Variants in MAPRE2 observed in about 807,000 individuals in gnomAD.
The protein encoded by MAPRE2 is microtubule associated protein RP/EB family member 2.
Under a neutral mutation model 43.2 loss-of-function variants are expected in MAPRE2, and 13 were observed. The observed-to-expected ratio is 0.30, with a 90% CI of 0.20 to 0.48. The LOEUF is 0.48. Ranked by LOEUF, MAPRE2 falls within the 20% of genes least tolerant of loss-of-function variation. MAPRE2 has a pLI of 0.99. For missense variants in MAPRE2, 161 were observed against 400.2 expected, an observed-to-expected ratio of 0.40 and a Z score of 5.10; for synonymous variants, 135 against 148.8, an observed-to-expected ratio of 0.91 and a Z score of 0.68.
chr18:34,978,434 C>G (rs2097014364), intron 1 of MAPRE2: 1 of 1,262,072 alleles, frequency 7.9e-7, no homozygotes, highest in African/African-American at 1.5e-5. Flanking sequence ...GTGTGCAGAC[C>G]GGTTGCGATT....
At chr18:35,088,897 G>A (rs1908005186) in intron 2 of MAPRE2, among the ~76,000 whole-genome samples, 1 of 152,166 alleles carries the variant, frequency 6.6e-6, no homozygotes, top group African/African-American at 2.4e-5. Flanking sequence ...GAAGACAATT[G>A]AATTTGTATT....
At chr18:35,031,776 A>C (rs1249500876) in intron 2 of MAPRE2, among the ~76,000 whole-genome samples, 1 of 152,232 alleles carries the variant, frequency 6.6e-6, no homozygotes, top group Non-Finnish European at 1.5e-5. Context: ...ATAATCTGCA[A>C]AGACAAGTAA....
upstream of MAPRE2, chr18:35,041,395 G>C (rs1905351323): frequency 2.7e-6 from 4 of 1,502,908 alleles, no homozygotes; most frequent in Non-Finnish European, 3.5e-6. Flanking sequence ...AGGAGGGCGG[G>C]GCGCGAGCGA....
intron 2 of MAPRE2, among the ~76,000 whole-genome samples, chr18:35,034,954 T>C (rs1343230919): frequency 2.0e-5 from 3 of 151,840 alleles, no homozygotes; most frequent in African/African-American, 7.3e-5. Flanking sequence ...GTCAGTGTGG[T>C]GATTCCTCAG....
At chr18:35,002,153 C>T (rs781192690) in intron 1 of MAPRE2, among the ~76,000 whole-genome samples, 1 of 152,140 alleles carries the variant, frequency 6.6e-6, no homozygotes, top group Non-Finnish European at 1.5e-5. Context: ...CTATAGTTTT[C>T]CCATTTTAAA....
intron 1 of MAPRE2, among the ~76,000 whole-genome samples, chr18:34,979,834 G>A (rs1274888147): frequency 6.6e-6 from 1 of 151,912 alleles, no homozygotes; most frequent in African/African-American, 2.4e-5. Context: ...ATTACTCCAG[G>A]ATAACCTGTT....
chr18:35,119,793 C>T (rs906817243), intron 4 of MAPRE2, among the ~76,000 whole-genome samples: 2 of 152,172 alleles, frequency 1.3e-5, no homozygotes, highest in African/African-American at 4.8e-5. Flanking sequence ...CTGGGTTAAT[C>T]AATTTTTATA....
At chr18:35,105,686 G>A (rs1352632884) in intron 4 of MAPRE2, among the ~76,000 whole-genome samples, 1 of 151,942 alleles carries the variant, frequency 6.6e-6, no homozygotes, top group African/African-American at 2.4e-5. Context: ...TAATAAAGAT[G>A]GGGATGTGGT....
At chr18:35,138,382 T>C (rs1287550447) in intron 6 of MAPRE2, among the ~76,000 whole-genome samples, 1 of 151,976 alleles carries the variant, frequency 6.6e-6, no homozygotes, top group Non-Finnish European at 1.5e-5. Flanking sequence ...GAACACAGGG[T>C]GGTCATGGGG....
chr18:35,084,282 AT>A (rs1265185418), intron 2 of MAPRE2, among the ~76,000 whole-genome samples: 1 of 152,186 alleles, frequency 6.6e-6, no homozygotes, highest in Non-Finnish European at 1.5e-5. Context: ...TCAAAAAAAA[AT>A]AATAAATAAA....
chr18:34,999,397 TAGAA>T (rs1157125923), intron 1 of MAPRE2, among the ~76,000 whole-genome samples: 12 of 152,194 alleles, frequency 7.9e-5, no homozygotes, highest in African/African-American at 1.9e-4. Flanking sequence ...TATTCTAAAA[TAGAA>T]AGGGCAATCT....
intron 4 of MAPRE2, among the ~76,000 whole-genome samples, chr18:35,122,653 G>A (rs1419238481): frequency 9.2e-5 from 14 of 152,192 alleles, no homozygotes; most frequent in Non-Finnish European, 5.9e-5. Context: ...GGGCAGAAGC[G>A]GTGCTTCCAT....
At chr18:35,065,350 T>C (rs188965711) in intron 1 of MAPRE2, among the ~76,000 whole-genome samples, 79 of 151,912 alleles carry the variant, frequency 5.2e-4, no homozygotes, top group African/African-American at 1.8e-3. Flanking sequence ...GCTATTCTAA[T>C]ATTCATGTAA....
At chr18:35,120,265 C>T (rs181564704) in intron 4 of MAPRE2, among the ~76,000 whole-genome samples, 7 of 152,284 alleles carry the variant, frequency 4.6e-5, no homozygotes, top group Admixed American at 3.3e-4. Flanking sequence ...GGAGCTGCCC[C>T]TAGCTGCTCA....
chr18:35,131,727 T>A (rs9962702), intron 5 of MAPRE2, among the ~76,000 whole-genome samples: 3,341 of 152,266 alleles, frequency 0.022, 116 homozygotes, highest in African/African-American at 0.076. Context: ...CCAGCCTATG[T>A]TAGCAGGAGA....
intron 1 of MAPRE2, among the ~76,000 whole-genome samples, chr18:34,987,867 T>A (rs1240077071): frequency 6.6e-6 from 1 of 152,162 alleles, no homozygotes; most frequent in East Asian, 1.9e-4. Context: ...GGTCTCGAAC[T>A]CCTGGGAACA....
intron 1 of MAPRE2, among the ~76,000 whole-genome samples, chr18:35,001,252 C>G (rs935629772): frequency 6.6e-6 from 1 of 152,132 alleles, no homozygotes; most frequent in African/African-American, 2.4e-5. Context: ...TGGCTCACAC[C>G]TGTTATCCCA....
At chr18:35,004,913 A>T (rs1603389122) in intron 1 of MAPRE2, among the ~76,000 whole-genome samples, 1 of 149,632 alleles carries the variant, frequency 6.7e-6, no homozygotes, top group Non-Finnish European at 1.5e-5. Context: ...GCGAGACTCC[A>T]TCTCCAAAAA....
chr18:35,045,906 G>A (rs992404771), intron 1 of MAPRE2, among the ~76,000 whole-genome samples: 1 of 152,162 alleles, frequency 6.6e-6, no homozygotes, highest in Non-Finnish European at 1.5e-5. Flanking sequence ...GCCCAACTCT[G>A]GAACTTCTTT....
Sources: allele counts gnomAD v4.1 joint callset (sites outside exome capture counted in the v4.1 genomes callset), GRCh38; gene constraint gnomAD v4.1.1; transcripts MANE v1.5; gene names NCBI Gene and HGNC (gene_info 2026-07-23, HGNC 2026-07-21).